PDIA4: variants seen among roughly 807,000 people sequenced by gnomAD.
PDIA4 encodes the protein protein disulfide isomerase family A member 4.
Under a neutral mutation model 62.1 loss-of-function variants are expected in PDIA4, and 33 were observed. The ratio of observed to expected loss-of-function variants is 0.53; its 90% CI spans 0.40 to 0.71. PDIA4 has a LOEUF of 0.71. Among genes scored for constraint, PDIA4 ranks in the 30% least tolerant of loss-of-function variants. PDIA4 has a pLI of 0.00. For synonymous variants in PDIA4, 341 were observed against 324.1 expected (o/e 1.05, Z -0.56); for missense variants, 804 against 813.6 (o/e 0.99, Z 0.14).
chr7:149,006,079 G>A (rs1437156111), intron 7 of PDIA4, 26 bp from the exon 8 acceptor site: 2 of 1,535,872 alleles, frequency 1.3e-6, no homozygotes, highest in African/African-American at 2.9e-5. Flanking sequence ...AACAGGTGAG[G>A]GGGCCCACCA....
chr7:149,015,573 A>G (rs980666041), intron 3 of PDIA4, among the ~76,000 whole-genome samples: 2 of 152,036 alleles, frequency 1.3e-5, no homozygotes, highest in Non-Finnish European at 2.9e-5. Flanking sequence ...ATTACCTGAG[A>G]AGGCTTTTAA....
intron 3 of PDIA4, among the ~76,000 whole-genome samples, chr7:149,017,028 G>A (rs1029534528): frequency 2.0e-5 from 3 of 152,276 alleles, no homozygotes; most frequent in Admixed American, 2.0e-4. Flanking sequence ...CACCACCTCA[G>A]AGATGTGATC....
At chr7:149,027,770 T>C (rs1824608369) in intron 1 of PDIA4, 1 of 443,168 alleles carries the variant, frequency 2.3e-6, no homozygotes, top group South Asian at 1.7e-5. Context: ...AGGAATGGTA[T>C]CTCTAGTTTC....
Position 149,003,699 on chromosome 7 carries a change from G to A in PDIA4, c.*95C>T. 1 of 796,996 alleles carries A rather than the reference G, an allele frequency of 1.3e-6. No homozygotes were observed. Among genetic ancestry groups the A allele is most frequent in the Non-Finnish European group, 1.9e-6 (1 of 533,516 alleles). 49.4% of individuals were successfully genotyped at this position (796,996 alleles called of 1,614,324 possible). A position where few individuals can be genotyped will look rare whatever the true frequency, so the allele number is the denominator to read the frequency against. The stretch of plus-strand genomic sequence containing the variant: ...TAAAAAAAAAAAAAAAGGAATCCGA[G>A]ATACTGTCGTTTGTTGCCGGCCTCG... On this transcript the variant is annotated 3_prime_UTR_variant, in exon 10 of 10. Transcript: ENST00000652332.
At position 149,019,214 on chromosome 7, in the gene PDIA4, G is replaced by A. The variant is rs1824256967; in HGVS notation, c.270-17C>T. The A allele has an allele frequency of 6.3e-7, 1 of 1,580,730 alleles. No homozygotes were observed. On this transcript the variant is annotated splice_polypyrimidine_tract_variant and intron_variant, in intron 2 of 9. Transcript: ENST00000652332. ...TGTCCACACCTAACAATTAGATTAG[G>A]AAGGGCAAAAAACGTTAACTGTACC...
chr7:149,028,269 G>C, intron 1 of PDIA4, 52 bp downstream of exon 1: 4 of 1,383,378 alleles, frequency 2.9e-6, no homozygotes, highest in Non-Finnish European at 3.9e-6. Context: ...CCCCCGCACA[G>C]CTCTGCAGCC....
intron 3 of PDIA4, 118 bp from the exon 4 acceptor site, chr7:149,015,160 A>G: frequency 9.7e-7 from 1 of 1,026,040 alleles, no homozygotes. Context: ...CAAGAACAGG[A>G]GGTGTCTGAT....
intron 6 of PDIA4, among the ~76,000 whole-genome samples, chr7:149,010,550 G>C (rs1450620334): frequency 6.6e-6 from 1 of 152,126 alleles, no homozygotes; most frequent in East Asian, 1.9e-4. Flanking sequence ...AAGCCTCCAG[G>C]TGTCCTGGGG....
At chr7:149,005,871 C>T (rs926124811) in intron 8 of PDIA4, 26 bp downstream of exon 8, 9 of 1,467,642 alleles carry the variant, frequency 6.1e-6, no homozygotes, top group South Asian at 2.9e-5. Flanking sequence ...CCCCCACCCC[C>T]GCAGGTCTTG....
chr7:149,028,164 T>C (rs1332715245), intron 1 of PDIA4, among the ~76,000 whole-genome samples, 157 bp downstream of exon 1: 1 of 152,086 alleles, frequency 6.6e-6, no homozygotes, highest in Non-Finnish European at 1.5e-5. Context: ...CCCCCGCCCC[T>C]TCAACTCCGC....
At position 149,024,208 on chromosome 7, in the gene PDIA4, T is replaced by C. The variant is rs184427431; in HGVS notation, c.89-3061A>G. Among the ~76,000 whole-genome samples the C allele has an allele frequency of 2.2e-3, 334 of 152,006 alleles. 3 individuals carry two copies. Among genetic ancestry groups the C allele is most frequent in the African/African-American group, 7.6e-3 (315 of 41,440 alleles). On this transcript the variant is annotated intron_variant, in intron 1 of 9. Coordinates refer to ENST00000652332, the MANE Select transcript of PDIA4 (RefSeq NM_004911.5). The stretch of plus-strand genomic sequence containing the variant: ...GATGCAGTGAGCCGAGATCACACCA[T>C]TGCACCCCAGCCTGCGTGACAAAGC...
At chr7:149,016,285 GGAAGACTCCATCTAAAATAAA>G (rs1192364712) in intron 3 of PDIA4, among the ~76,000 whole-genome samples, 23 of 152,144 alleles carry the variant, frequency 1.5e-4, no homozygotes, top group African/African-American at 5.6e-4. Flanking sequence ...GGGAGACAGA[GGAAGACTCCATCTAAAATAAA>G]GAAGTACTCA....
Position 149,019,216 on chromosome 7 carries a change from AG to A in PDIA4, c.270-20del. 1 of 1,568,086 alleles carries A rather than the reference AG, an allele frequency of 6.4e-7. No homozygotes were observed. The highest frequency in any genetic ancestry group is 8.8e-7 in the Non-Finnish European group (1 of 1,138,054). ...TCCACACCTAACAATTAGATTAGGA[AG>A]GGCAAAAAACGTTAACTGTACCTAT... On this transcript the variant is annotated intron_variant, in intron 2 of 9. Coordinates refer to ENST00000652332, the MANE Select transcript of PDIA4 (RefSeq NM_004911.5).
chr7:149,005,447 T>TTCAGG, intron 8 of PDIA4, 73 bp from the exon 9 acceptor site: 1 of 925,896 alleles, frequency 1.1e-6, no homozygotes, highest in South Asian at 1.3e-5. Context: ...GAGGTCAGGC[T>TTCAGG]TCAGGTCCTG....
In PDIA4 at chr7:149,012,270, G is replaced by C; in HGVS notation, c.705C>G (p.Val235=). The change falls in exon 5 of 10, where the codon GTC becomes GTG. Residue 235 remains valine, a synonymous_variant. Transcript: ENST00000652332. The stretch of plus-strand genomic sequence containing the variant: ...CCAGGTCTGTTTCTGCGGTGGCGTC[G>C]ACCTTTGCCAGGGGAATTGGAGGAG... ...KRSPPIPLAK[V]DATAETDLAK... is the part of the protein sequence containing the mutation. 2 of 1,614,082 alleles carry C rather than the reference G, an allele frequency of 1.2e-6. No homozygotes were observed. Among genetic ancestry groups the C allele is most frequent in the Non-Finnish European group, 1.7e-6 (2 of 1,179,998 alleles).
intron 9 of PDIA4, among the ~76,000 whole-genome samples, chr7:149,004,488 G>A (rs374550924): frequency 1.2e-4 from 19 of 152,348 alleles, no homozygotes; most frequent in South Asian, 4.1e-4. Context: ...AGGAGTTCCC[G>A]TAAGCACTGG....
Position 149,019,684 on chromosome 7 carries a change from G to A in PDIA4, c.270-487C>T, listed in dbSNP as rs537764784. ...AAATTAGCTGGGCTTGGTGGCAGGC[G>A]CCTGTAATCCCAGCTACTCAGGAGG... On this transcript the variant is annotated intron_variant, in intron 2 of 9. Coordinates refer to ENST00000652332, the MANE Select transcript of PDIA4 (RefSeq NM_004911.5). 3.2e-4 allele frequency among the ~76,000 whole-genome samples: 49 copies of A among 152,248 alleles called. 2 individuals carry two copies. In the South Asian group the frequency reaches 7.1e-3, roughly 22 times the overall value.
Position 149,005,977 on chromosome 7 carries a change from G to A in PDIA4, c.1208C>T (p.Ser403Leu). The A allele has an allele frequency of 6.5e-7, 1 of 1,543,954 alleles. No homozygotes were observed. The highest frequency in any genetic ancestry group is 1.7e-4 in the Middle Eastern group (1 of 5,856). ...ALPLVGHRKV[S>L]NDAKRYTRRP... ...CCTGGTGTAGCGCTTAGCATCGTTT[G>A]ACACCTTGCGGTGGCCAACCAGGGG... Residue 403 changes from serine (S) to leucine (L), a missense_variant, in exon 8 of 10, where the codon TCA (serine) becomes TTA (leucine). Ser to Leu is a moderately radical substitution (Grantham distance 145, BLOSUM62 -2). Coordinates refer to ENST00000652332, the MANE Select transcript of PDIA4 (RefSeq NM_004911.5).
intron 2 of PDIA4, among the ~76,000 whole-genome samples, chr7:149,020,504 C>G (rs559612436): frequency 6.6e-6 from 1 of 152,150 alleles, no homozygotes; most frequent in African/African-American, 2.4e-5. Context: ...CTGGTCCCCC[C>G]GCAGGGCCTA....
Sources: gnomAD v4.1 joint callset for allele counts (sites outside exome capture counted in the v4.1 genomes callset) on GRCh38, gnomAD v4.1.1 for gene constraint, MANE v1.5 for transcripts, NCBI Gene and HGNC (gene_info 2026-07-23, HGNC 2026-07-21) for gene names.